Variants in BICDL1 observed in about 807,000 individuals in gnomAD.
BICDL1 encodes BICD family-like cargo adapter 1.
Under a neutral mutation model 76.8 loss-of-function variants are expected in BICDL1, and 20 were observed. The ratio of observed to expected loss-of-function variants is 0.26; its 90% CI spans 0.18 to 0.38. The LOEUF (loss-of-function observed/expected upper bound fraction) is 0.38. Among genes scored for constraint, BICDL1 ranks in the 10% least tolerant of loss-of-function variants. The probability of loss-of-function intolerance (pLI) is 1.00; values close to 1 mark genes in which losing one functional copy is unlikely to be tolerated. For synonymous variants in BICDL1, 383 were observed against 337.1 expected (o/e 1.14, Z -1.49); for missense variants, 700 against 798.6 (o/e 0.88, Z 1.49).
intron 2 of BICDL1, among the ~76,000 whole-genome samples, chr12:120,036,853 G>A (rs1409799233): frequency 6.6e-6 from 1 of 152,204 alleles, no homozygotes; most frequent in Non-Finnish European, 1.5e-5. Flanking sequence ...TCCAGCCTGG[G>A]TGACAGAGTG....
intron 4 of BICDL1, among the ~76,000 whole-genome samples, chr12:120,066,519 C>T (rs1953225015): frequency 2.0e-5 from 3 of 152,186 alleles, no homozygotes; most frequent in Admixed American, 1.3e-4. Context: ...GTGGGCTGTA[C>T]ATTCTTTAGC....
intron 2 of BICDL1, among the ~76,000 whole-genome samples, chr12:120,037,460 C>T (rs1952550546): frequency 6.6e-6 from 1 of 151,816 alleles, no homozygotes; most frequent in South Asian, 2.1e-4. Flanking sequence ...TGTAAGACTG[C>T]GTGCAGTTCA....
intron 2 of BICDL1, among the ~76,000 whole-genome samples, chr12:120,014,467 G>A (rs568701277): frequency 5.8e-4 from 88 of 152,240 alleles, no homozygotes; most frequent in African/African-American, 2.1e-3. Context: ...GCTGAGCCGG[G>A]CAGATCACAA....
At chr12:120,008,219 C>T (rs1301819233) in intron 2 of BICDL1, among the ~76,000 whole-genome samples, 13 of 142,690 alleles carry the variant, frequency 9.1e-5, no homozygotes, top group Admixed American at 1.5e-4. Flanking sequence ...AGTGCAGCAG[C>T]GCCATCATGG....
chr12:120,019,182 G>T (rs572330124), intron 2 of BICDL1: 3 of 151,960 alleles, frequency 2.0e-5, no homozygotes, highest in African/African-American at 7.2e-5. Context: ...GTCAAAACTT[G>T]CGTGCTGATT....
rs188739676 is a variant in BICDL1, at chr12:120,055,583, G to A, written c.646-6127G>A. ...TTATAAAAAGAGTTTATTTCAGATA[G>A]TTTTGGGAGTGTGCATTAAAATTTT... is the stretch of plus-strand genomic sequence containing the variant. On this transcript the variant is annotated intron_variant, in intron 2 of 9. Transcript: ENST00000548673. Among the ~76,000 whole-genome samples, 258 of 152,294 alleles carry A rather than the reference G, an allele frequency of 1.7e-3. 1 individual carries two copies. The highest frequency in any genetic ancestry group is 5.5e-3 in the African/African-American group (228 of 41,558).
chr12:120,065,826 T>C (rs1390716214), intron 4 of BICDL1, among the ~76,000 whole-genome samples: 2 of 152,206 alleles, frequency 1.3e-5, no homozygotes, highest in Non-Finnish European at 2.9e-5. Context: ...TAAGGAAATA[T>C]AATGTCTTGG....
At chr12:120,066,770 C>T (rs1953231053) in intron 4 of BICDL1, among the ~76,000 whole-genome samples, 1 of 152,190 alleles carries the variant, frequency 6.6e-6, no homozygotes, top group African/African-American at 2.4e-5. Context: ...CCAGTGTCCT[C>T]CAGAAAGTCC....
intron 7 of BICDL1, chr12:120,080,541 A>T: frequency 4.9e-6 from 1 of 202,398 alleles, no homozygotes; most frequent in Non-Finnish European, 1.0e-5. Flanking sequence ...ACTGTGTGTC[A>T]TGATGACTTA....
chr12:120,093,033 A>G lies in BICDL1; in HGVS notation c.1738A>G (p.Met580Val), dbSNP rs754560096. The change falls in exon 10 of 10, where the codon ATG becomes GTG. Residue 580 changes from methionine (M) to valine (V), a missense_variant. Around this residue, in one of 3 missense-constraint regions of BICDL1, gnomAD observed 455 missense variants for 548.7 expected, o/e 0.83. Transcript: ENST00000548673. ...DMHRVIDRQL[M>V]DTHLKERSQP... is the part of the protein sequence containing the mutation. ...GCACAGGGTCATTGACCGGCAGCTG[A>G]TGGACACGCACCTGAAAGAACGGAG... is the stretch of plus-strand genomic sequence containing the variant. The G allele has an allele frequency of 6.3e-7, 1 of 1,584,008 alleles. No homozygotes were observed. The highest frequency in any genetic ancestry group is 1.8e-5 in the Admixed American group (1 of 56,722).
At position 120,093,159 on chromosome 12, in the gene BICDL1, T is replaced by TGAGAGG; in HGVS notation, c.1864_1865insGAGAGG (p.Ter622delinsTer). On this transcript the variant is annotated inframe_insertion and stop_retained_variant, in exon 10 of 10. Coordinates refer to ENST00000548673, the MANE Select transcript of BICDL1 (RefSeq NM_001367886.1). ...ACTCTTCTCATTCTTCAGGAAAATT[T>TGAGAGG]AAGTTGGGAGGAGTCAGGCCACCAA... The TGAGAGG allele has an allele frequency of 6.3e-7, 1 of 1,593,122 alleles. No homozygotes were observed. The highest frequency in any genetic ancestry group is 1.8e-5 in the Admixed American group (1 of 55,548).
At position 120,046,777 on chromosome 12, in the gene BICDL1, G is replaced by A. The variant is rs574849784; in HGVS notation, c.646-14933G>A. On this transcript the variant is annotated intron_variant, in intron 2 of 9. Transcript: ENST00000548673. ...TCATTTTGGTTAAGAAAAAAAGACT[G>A]AATCAAAATCTCCAATTGCGAGTAC... Among the ~76,000 whole-genome samples, 46 of 152,288 alleles carry A rather than the reference G, an allele frequency of 3.0e-4. No homozygotes were observed. In the South Asian group the frequency reaches 8.9e-3, roughly 29 times the overall value.
Position 120,084,031 on chromosome 12 carries a change from TCTCA to T in BICDL1, c.1583+3019_1583+3022del, listed in dbSNP as rs1047609749. Among the ~76,000 whole-genome samples the T allele has an allele frequency of 1.5e-4, 23 of 150,652 alleles. No homozygotes were observed. In the South Asian group the frequency reaches 3.6e-3, roughly 23 times the overall value. ...TTTTTTTCTTTTCTTTGAGACGGAG[TCTCA>T]CTCAGTCACCCAGGTGGAGTGCAGT... On this transcript the variant is annotated intron_variant, in intron 8 of 9. Transcript: ENST00000548673.
At chr12:120,091,132 C>T (rs1046412455) in intron 9 of BICDL1, 5 of 1,238,152 alleles carry the variant, frequency 4.0e-6, no homozygotes, top group Non-Finnish European at 5.2e-6. Flanking sequence ...GGCGTCATCT[C>T]TGTGCAGTGT....
At chr12:120,074,351 CCTT>C in intron 6 of BICDL1, 89 bp from the exon 7 acceptor site, 1 of 846,914 alleles carries the variant, frequency 1.2e-6, no homozygotes, top group Non-Finnish European at 1.4e-6. Context: ...TTTCTCCTCT[CCTT>C]CTCTCCCCGA....
intron 2 of BICDL1, among the ~76,000 whole-genome samples, chr12:120,003,073 G>A (rs1363011188): frequency 1.3e-5 from 2 of 151,688 alleles, no homozygotes; most frequent in Non-Finnish European, 2.9e-5. Flanking sequence ...CAGGAGAATC[G>A]CTGGAACCTG....
At chr12:120,009,617 G>A (rs2138659930) in intron 2 of BICDL1, among the ~76,000 whole-genome samples, 1 of 152,270 alleles carries the variant, frequency 6.6e-6, no homozygotes. Flanking sequence ...AGCTGCCCTT[G>A]CCTGATGTGA....
intron 2 of BICDL1, among the ~76,000 whole-genome samples, chr12:120,039,988 A>G (rs963641302): frequency 1.9e-4 from 29 of 152,358 alleles, no homozygotes; most frequent in Admixed American, 1.0e-3. Context: ...AAGCACTTTC[A>G]TCAACAAATA....
rs761614182 is a variant in BICDL1 at position 119,990,273 on chromosome 12, T to G, written c.405T>G (p.His135Gln). 2 of 1,572,976 alleles carry G rather than the reference T, an allele frequency of 1.3e-6. No individual in the cohort carries two copies. Among genetic ancestry groups the G allele is most frequent in the Non-Finnish European group, 1.7e-6 (2 of 1,160,014 alleles). Reference sequence around the variant, plus strand: ...TGAGCCGGCAGTACGAGCAGATGCATAAGGAGCTGACAGACAAGCTCGAGG... The same window carrying G: ...TGAGCCGGCAGTACGAGCAGATGCAGAAGGAGCTGACAGACAAGCTCGAGG... ...QDMSRQYEQM[H>Q]KELTDKLEHL... The change falls in exon 1 of 10, where the codon CAT becomes CAG. Residue 135 changes from histidine (H) to glutamine (Q), a missense_variant. This residue lies in a region of BICDL1 where 225 missense variants were observed against 199.6 expected (regional missense o/e 1.13). Coordinates refer to ENST00000548673, the MANE Select transcript of BICDL1 (RefSeq NM_001367886.1).
Sources: allele counts gnomAD v4.1 joint callset (sites outside exome capture counted in the v4.1 genomes callset), GRCh38; gene constraint gnomAD v4.1.1; regional missense constraint gnomAD v4.1.1; transcripts MANE v1.5; gene names NCBI Gene and HGNC (gene_info 2026-07-23, HGNC 2026-07-21).